NBAS: variants seen among roughly 807,000 people sequenced by gnomAD.
The protein encoded by NBAS is NAG/BC035112 fusion.
A neutral mutation model predicts 302.5 loss-of-function variants in NBAS; 219 were observed. The ratio of observed to expected loss-of-function variants is 0.72; its 90% CI spans 0.65 to 0.81. The LOEUF is 0.81. Ranked by LOEUF, NBAS falls within the 30% of genes least tolerant of loss-of-function variation. The pLI, the probability that NBAS is intolerant of heterozygous loss-of-function variation, is 0.00. For missense variants in NBAS, 2,932 were observed against 2,841.6 expected (o/e 1.03, Z -0.72); for synonymous variants, 1,118 against 1,021.6 (o/e 1.09, Z -1.80).
chr2:15,212,631 C>T (rs1038530633), intron 48 of NBAS, among the ~76,000 whole-genome samples: 2 of 152,150 alleles, frequency 1.3e-5, no homozygotes, highest in African/African-American at 4.8e-5. Context: ...TTCCCATAAT[C>T]CCCACGTGTA....
At chr2:15,141,914 C>T in the NBAS span, among the ~76,000 whole-genome samples, 1 of 152,196 alleles carries the variant, frequency 6.6e-6, no homozygotes, top group Non-Finnish European at 1.5e-5. Flanking sequence ...TTGTTTTCCC[C>T]TTCCTGGAAA....
the NBAS span, among the ~76,000 whole-genome samples, chr2:15,004,758 C>T: frequency 4.0e-5 from 6 of 151,546 alleles, no homozygotes; most frequent in African/African-American, 9.7e-5. Flanking sequence ...ATCCACCCCC[C>T]CTTGGCTTCC....
intron 8 of NBAS, among the ~76,000 whole-genome samples, chr2:15,535,298 G>T (rs78980221): frequency 5.9e-5 from 9 of 151,970 alleles, no homozygotes; most frequent in African/African-American, 2.2e-4. Context: ...GAGGCGGGCA[G>T]ATCACAACGT....
At chr2:15,121,908 C>T in the NBAS span, among the ~76,000 whole-genome samples, 4 of 152,022 alleles carry the variant, frequency 2.6e-5, no homozygotes, top group South Asian at 2.1e-4. Flanking sequence ...TTTTACTTAT[C>T]GTATGTACTT....
At chr2:14,809,143 C>T in the NBAS span, among the ~76,000 whole-genome samples, 2 of 152,148 alleles carry the variant, frequency 1.3e-5, no homozygotes, top group Non-Finnish European at 2.9e-5. Context: ...TGCAGCCTGA[C>T]AATGCAATAG....
At chr2:15,322,305 T>A (rs1486365694) in intron 38 of NBAS, among the ~76,000 whole-genome samples, 1 of 151,958 alleles carries the variant, frequency 6.6e-6, no homozygotes, top group Non-Finnish European at 1.5e-5. Context: ...AGTTGATGGG[T>A]GCAGCAAAGC....
chr2:15,522,851 T>C (rs940626976), intron 9 of NBAS, among the ~76,000 whole-genome samples: 3 of 152,222 alleles, frequency 2.0e-5, no homozygotes, highest in Non-Finnish European at 4.4e-5. Context: ...AAACAGTCTA[T>C]TAACACGTTT....
At chr2:15,346,712 T>C (rs571860364) in intron 35 of NBAS, among the ~76,000 whole-genome samples, 1 of 152,182 alleles carries the variant, frequency 6.6e-6, no homozygotes, top group Non-Finnish European at 1.5e-5. Context: ...CATATGCTTA[T>C]TGCAGCACTA....
At chr2:14,951,037 C>A in the NBAS span, among the ~76,000 whole-genome samples, 1 of 152,086 alleles carries the variant, frequency 6.6e-6, no homozygotes, top group Admixed American at 6.5e-5. Context: ...ACCTACTCTC[C>A]ATATGAGCTG....
chr2:14,990,331 G>A, the NBAS span, among the ~76,000 whole-genome samples: 15 of 151,644 alleles, frequency 9.9e-5, no homozygotes, highest in African/African-American at 3.6e-4. Flanking sequence ...GACTGAGGCA[G>A]GAGAATCGAT....
rs3764922 is a variant in NBAS at position 15,238,257 on chromosome 2, T to C, written c.5943+211A>G. ...TTCCTCTATTTCCCCATATCAACGG[T>C]GCCAAGTGGCTTAACATCATTTTGA... On this transcript the variant is annotated intron_variant, in intron 45 of 51. Coordinates refer to ENST00000281513, the MANE Select transcript of NBAS (RefSeq NM_015909.4). 0.12 allele frequency among the ~76,000 whole-genome samples: 18,892 copies of C among 152,050 alleles called. 1,574 individuals carry two copies. Among genetic ancestry groups the C allele is most frequent in the East Asian group, 0.32 (1,632 of 5,150 alleles).
chr2:15,481,150 T>C (rs1680411253), intron 12 of NBAS, among the ~76,000 whole-genome samples: 2 of 152,218 alleles, frequency 1.3e-5, no homozygotes, highest in African/African-American at 4.8e-5. Flanking sequence ...GTAGCGCATA[T>C]CAGCACTTCG....
chr2:15,014,631 T>C, the NBAS span, among the ~76,000 whole-genome samples: 1 of 152,010 alleles, frequency 6.6e-6, no homozygotes, highest in Non-Finnish European at 1.5e-5. Context: ...GCAAAAGCAG[T>C]ATTAAGAGGT....
intron 44 of NBAS, among the ~76,000 whole-genome samples, chr2:15,261,939 A>G (rs1668871884): frequency 6.6e-6 from 1 of 152,208 alleles, no homozygotes; most frequent in South Asian, 2.1e-4. Flanking sequence ...TCAAATGTTG[A>G]TATGAAAATC....
At chr2:15,071,624 CAAAAA>C in the NBAS span, among the ~76,000 whole-genome samples, 1 of 75,010 alleles carries the variant, frequency 1.3e-5, no homozygotes, top group Admixed American at 1.5e-4. Context: ...ACTCCATCTC[CAAAAA>C]AAAAAAAAAA....
chr2:15,238,699 A>AATTG lies in NBAS; in HGVS notation c.5725-14_5725-13insCAAT. On this transcript the variant is annotated splice_polypyrimidine_tract_variant and intron_variant, in intron 44 of 51. Transcript: ENST00000281513. ...CTTCCACAGACAGCTTAAAAAAAAG[A>AATTG]ATAGTGAGACCAAAGAACCCTGCAT... 2.1e-6 allele frequency: 3 copies of AATTG among 1,456,054 alleles called. No individual in the cohort carries two copies. The highest frequency in any genetic ancestry group is 3.0e-5 in the African/African-American group (1 of 33,282). The allele number at this position is 1,456,054 out of a possible 1,614,324, so 90.2% of individuals were successfully genotyped here.
intron 41 of NBAS, among the ~76,000 whole-genome samples, chr2:15,291,596 T>G (rs1314276588): frequency 6.6e-6 from 1 of 152,212 alleles, no homozygotes; most frequent in East Asian, 1.9e-4. Flanking sequence ...GGTCTCCGCC[T>G]GGGCCTTGAA....
chr2:15,218,424 GT>G (rs1169673626), intron 48 of NBAS, among the ~76,000 whole-genome samples: 1 of 152,084 alleles, frequency 6.6e-6, no homozygotes, highest in African/African-American at 2.4e-5. Flanking sequence ...TCCAACTATT[GT>G]TTTTTTCTTT....
At chr2:15,259,500 C>T (rs901672514) in intron 44 of NBAS, among the ~76,000 whole-genome samples, 10 of 152,224 alleles carry the variant, frequency 6.6e-5, no homozygotes, top group African/African-American at 2.4e-4. Flanking sequence ...CCCCTCTTTA[C>T]AGCAGTTACT....
Sources: gnomAD v4.1 joint callset for allele counts (sites outside exome capture counted in the v4.1 genomes callset) on GRCh38, gnomAD v4.1.1 for gene constraint, MANE v1.5 for transcripts, NCBI Gene and HGNC (gene_info 2026-07-23, HGNC 2026-07-21) for gene names.